Variants in DCAF5 observed in about 807,000 individuals in gnomAD.
DCAF5 encodes the protein DDB1- and CUL4-associated factor 5.
DCAF5 carries 9 observed loss-of-function variants against 80.7 expected under a neutral mutation model. The ratio of observed to expected loss-of-function variants is 0.11; its 90% CI spans 0.07 to 0.19. The LOEUF (loss-of-function observed/expected upper bound fraction) is 0.19. DCAF5 is among the 10% of genes least tolerant of loss of function. The pLI, the probability that DCAF5 is intolerant of heterozygous loss-of-function variation, is 1.00. For missense variants in DCAF5, 842 were observed against 1,205.7 expected, an observed-to-expected ratio of 0.70 and a Z score of 4.47; for synonymous variants, 433 against 461.9, an observed-to-expected ratio of 0.94 and a Z score of 0.80.
At chr14:69,098,913 A>G (rs1341078457) in intron 5 of DCAF5, among the ~76,000 whole-genome samples, 1 of 148,558 alleles carries the variant, frequency 6.7e-6, no homozygotes, top group Non-Finnish European at 1.5e-5. Flanking sequence ...AAAAAAAAAA[A>G]AAGAAAAGAA....
At chr14:69,099,251 A>AACACACACACACACAC (rs60913200) in intron 5 of DCAF5, among the ~76,000 whole-genome samples, 21 of 124,348 alleles carry the variant, frequency 1.7e-4, no homozygotes, top group Admixed American at 6.8e-4. Flanking sequence ...ACTCTGTCTC[A>AACACACACACACACAC]ACACACACAC....
Position 69,153,066 on chromosome 14 carries a change from C to A in DCAF5, c.-88G>T. On this transcript the variant is annotated 5_prime_UTR_variant, in exon 1 of 9. Transcript: ENST00000341516. ...TGCTCCCCCCACCCGGCCCTCCCCC[C>A]GCGCTGCGATCCGGATGGTTCTTTA... 3.8e-6 allele frequency: 4 copies of A among 1,063,826 alleles called. No individual in the cohort carries two copies. The highest frequency in any genetic ancestry group is 3.8e-6 in the Non-Finnish European group (3 of 791,166). The allele number at this position is 1,063,826 out of a possible 1,614,324, so 65.9% of individuals were successfully genotyped here. A position where few individuals can be genotyped will look rare whatever the true frequency, so the allele number is the denominator to read the frequency against.
intron 4 of DCAF5, among the ~76,000 whole-genome samples, chr14:69,117,500 T>C (rs1242826283): frequency 1.3e-5 from 2 of 152,184 alleles, no homozygotes; most frequent in African/African-American, 2.4e-5. Flanking sequence ...ACGGTGGGTA[T>C]GGCAGTGGCA....
chr14:69,058,968 GCA>G (rs1364958321), intron 8 of DCAF5, among the ~76,000 whole-genome samples: 1 of 152,042 alleles, frequency 6.6e-6, no homozygotes, highest in Non-Finnish European at 1.5e-5. Context: ...TCCTCTCCAT[GCA>G]CAGTGAAGTT....
chr14:69,084,373 C>T (rs1440834767), intron 6 of DCAF5: 20 of 921,724 alleles, frequency 2.2e-5, no homozygotes, highest in Admixed American at 1.2e-4. Context: ...GTCTGGTTAT[C>T]GATGAAGCTG....
chr14:69,053,706 T>A lies in DCAF5; in HGVS notation c.*151A>T, dbSNP rs2037835175. On this transcript the variant is annotated 3_prime_UTR_variant, in exon 9 of 9. Transcript: ENST00000341516. ...GACATTCAGACCCGTTGTTGAATGT[T>A]GGATAGAAGGGAGCAGCATCAGACA... The A allele has an allele frequency of 1.5e-6, 1 of 685,532 alleles. No individual in the cohort carries two copies. Among genetic ancestry groups the A allele is most frequent in the Admixed American group, 3.4e-5 (1 of 29,058 alleles). The allele number at this position is 685,532 out of a possible 1,614,324, so 42.5% of individuals were successfully genotyped here.
intron 1 of DCAF5, among the ~76,000 whole-genome samples, chr14:69,139,639 C>T (rs1386696211): frequency 1.3e-5 from 2 of 151,782 alleles, no homozygotes; most frequent in Middle Eastern, 3.2e-3. Flanking sequence ...CATGGTGAGA[C>T]CCCGTCTCTA....
intron 5 of DCAF5, among the ~76,000 whole-genome samples, chr14:69,103,412 C>T (rs371108471): frequency 8.5e-5 from 13 of 152,328 alleles, no homozygotes; most frequent in African/African-American, 2.4e-4. Flanking sequence ...ACATTATTAC[C>T]TGTTACTTGT....
Position 69,152,944 on chromosome 14 carries a change from C to A in DCAF5, c.35G>T (p.Arg12Met). 1.2e-6 allele frequency: 2 copies of A among 1,612,734 alleles called. No individual in the cohort carries two copies. The highest frequency in any genetic ancestry group is 1.8e-4 in the Middle Eastern group (1 of 5,422). The change falls in exon 1 of 9, where the codon AGG (arginine) becomes ATG (methionine). Residue 12 changes from arginine (R) to methionine (M), a missense_variant. Around this residue, in one of 5 missense-constraint regions of DCAF5, gnomAD observed 28 missense variants for 28.7 expected, o/e 0.98. Transcript: ENST00000341516. This position sits in a 1 kb window ranked among gnomAD's most constrained non-coding sequence, Gnocchi z 4.1. ...CTGGGACAAGAAGCCCACCACTGACCTCATGCTGCCCCCCAGGCCAGCTCT... is the reference window on the plus strand; with the variant it reads ...CTGGGACAAGAAGCCCACCACTGACATCATGCTGCCCCCCAGGCCAGCTCT... ...KRRAGLGGSM[R>M]SVVGFLSQRG...
At chr14:69,127,892 T>C (rs577702765) in intron 1 of DCAF5, among the ~76,000 whole-genome samples, 1 of 152,308 alleles carries the variant, frequency 6.6e-6, no homozygotes, top group South Asian at 2.1e-4. Context: ...ATTTAACAAA[T>C]CATCAACATT....
At chr14:69,085,446 CTTGAT>C (rs774946158) in intron 6 of DCAF5, 16 of 430,740 alleles carry the variant, frequency 3.7e-5, no homozygotes, top group Admixed American at 2.3e-4. Context: ...CTTTTCCTCC[CTTGAT>C]TTAACAGGAT....
intron 7 of DCAF5, 38 bp downstream of exon 7, chr14:69,075,307 C>A (rs1420942528): frequency 1.3e-6 from 2 of 1,573,256 alleles, no homozygotes; most frequent in Non-Finnish European, 1.7e-6. Context: ...TCAACAGAGC[C>A]AGCAATAGCA....
chr14:69,119,265 T>A, intron 2 of DCAF5, 35 bp from the exon 3 acceptor site: 1 of 1,609,194 alleles, frequency 6.2e-7, no homozygotes, highest in Non-Finnish European at 8.5e-7. Flanking sequence ...TGATCATTCG[T>A]GCAAGGTGGT....
At chr14:69,104,085 C>T (rs1000988997) in intron 5 of DCAF5, among the ~76,000 whole-genome samples, 1 of 152,118 alleles carries the variant, frequency 6.6e-6, no homozygotes, top group Non-Finnish European at 1.5e-5. Flanking sequence ...TATAGAAATA[C>T]ATTTCATCTC....
At chr14:69,061,221 G>A (rs2038204319) in intron 8 of DCAF5, among the ~76,000 whole-genome samples, 1 of 151,852 alleles carries the variant, frequency 6.6e-6, no homozygotes, top group Non-Finnish European at 1.5e-5. Context: ...CAAACTCCTG[G>A]GCTCAAGTGA....
At chr14:69,105,914 C>CATATATATATATATATATAT (rs35075766) in intron 5 of DCAF5, among the ~76,000 whole-genome samples, 509 of 49,862 alleles carry the variant, frequency 0.01, 32 homozygotes, top group Non-Finnish European at 0.016. Context: ...AATAAACTGT[C>CATATATATATATATATATAT]ATATATATAT....
At chr14:69,058,432 T>A (rs1189925754) in intron 8 of DCAF5, among the ~76,000 whole-genome samples, 2 of 151,768 alleles carry the variant, frequency 1.3e-5, no homozygotes, top group African/African-American at 4.8e-5. Flanking sequence ...GGCAGGAGAA[T>A]TGCTTGAACC....
chr14:69,117,705 A>G (rs953908320), intron 4 of DCAF5, among the ~76,000 whole-genome samples: 5 of 152,180 alleles, frequency 3.3e-5, no homozygotes, highest in African/African-American at 1.2e-4. Context: ...TCCCCTTTAA[A>G]CAGAGTTTAT....
chr14:69,108,640 G>A (rs2040247321), intron 5 of DCAF5, among the ~76,000 whole-genome samples: 1 of 152,098 alleles, frequency 6.6e-6, no homozygotes, highest in African/African-American at 2.4e-5. Context: ...AAAAAACAAA[G>A]AAGTTTAAGA....
Sources: allele counts gnomAD v4.1 joint callset (sites outside exome capture counted in the v4.1 genomes callset), GRCh38; gene constraint gnomAD v4.1.1; regional missense constraint gnomAD v4.1.1; non-coding constraint Gnocchi (gnomAD v3.1); transcripts MANE v1.5; gene names NCBI Gene and HGNC (gene_info 2026-07-23, HGNC 2026-07-21).